FAM193A: variants seen among roughly 807,000 people sequenced by gnomAD.
FAM193A encodes family with sequence similarity 193 member A.
In FAM193A, 22 loss-of-function variants were observed where a neutral mutation model predicts 126.5. That is an observed-to-expected ratio of 0.17 (90% CI 0.12 to 0.25). The LOEUF (loss-of-function observed/expected upper bound fraction) is 0.25. Ranked by LOEUF, FAM193A falls within the 10% of genes least tolerant of loss-of-function variation. The pLI, the probability that FAM193A is intolerant of heterozygous loss-of-function variation, is 1.00. For missense variants in FAM193A, 1,675 were observed against 1,672.8 expected, an observed-to-expected ratio of 1.00 and a Z score of -0.02; for synonymous variants, 761 against 646.8, an observed-to-expected ratio of 1.18 and a Z score of -2.68.
chr4:2,732,045 G>A lies in FAM193A; in HGVS notation c.*177G>A. 1.6e-6 allele frequency: 1 copy of A among 630,338 alleles called. No individual in the cohort carries two copies. The highest frequency in any genetic ancestry group is 2.9e-6 in the Non-Finnish European group (1 of 350,034). The allele number at this position is 630,338 out of a possible 1,614,324, so 39.0% of individuals were successfully genotyped here. On this transcript the variant is annotated 3_prime_UTR_variant, in exon 21 of 21. Transcript: ENST00000637812. ...CTCGGCCCACGCCGTTAGCTCGTGTGCGTGTAGTCTGTGCGTGAGACTCCT... is the reference window on the plus strand; with the variant it reads ...CTCGGCCCACGCCGTTAGCTCGTGTACGTGTAGTCTGTGCGTGAGACTCCT...
intron 2 of FAM193A, among the ~76,000 whole-genome samples, chr4:2,612,240 G>T (rs1004392333): frequency 6.6e-6 from 1 of 151,766 alleles, no homozygotes; most frequent in African/African-American, 2.4e-5. Context: ...CGTGGCTCAC[G>T]CCTGTAATCC....
At chr4:2,583,559 C>T (rs943959278) in intron 1 of FAM193A, among the ~76,000 whole-genome samples, 1 of 152,142 alleles carries the variant, frequency 6.6e-6, no homozygotes, top group African/African-American at 2.4e-5. Context: ...TTTGCTTCTT[C>T]GGGCTCTTTC....
At chr4:2,543,749 T>C (rs1737374321) in intron 1 of FAM193A, among the ~76,000 whole-genome samples, 2 of 151,116 alleles carry the variant, frequency 1.3e-5, no homozygotes, top group Admixed American at 6.7e-5. Context: ...TCTCAGCTAC[T>C]CAGGAGGCTG....
At chr4:2,586,244 C>CA (rs71178483) in intron 1 of FAM193A, among the ~76,000 whole-genome samples, 24,770 of 143,462 alleles carry the variant, frequency 0.17, 2,512 homozygotes, top group East Asian at 0.31. Context: ...AACTCCGTCT[C>CA]AAAAAAAAAA....
intron 1 of FAM193A, among the ~76,000 whole-genome samples, chr4:2,565,094 C>T (rs1251577462): frequency 6.6e-6 from 1 of 152,012 alleles, no homozygotes; most frequent in Non-Finnish European, 1.5e-5. Context: ...AGCCACTGCA[C>T]CTGGCTACGT....
At chr4:2,535,601 C>G (rs1264194307), upstream of FAM193A, among the ~76,000 whole-genome samples, 1 of 152,238 alleles carries the variant, frequency 6.6e-6, no homozygotes, top group African/African-American at 2.4e-5. Context: ...CAGGGCAGAG[C>G]TCTGCCTGGG....
chr4:2,665,485 C>G lies in FAM193A; in HGVS notation c.2079+2197C>G, dbSNP rs560673784. Among the ~76,000 whole-genome samples, 427 of 152,248 alleles carry G rather than the reference C, an allele frequency of 2.8e-3. 6 individuals carry two copies. Among genetic ancestry groups the G allele is most frequent in the Non-Finnish European group, 4.7e-3 (319 of 68,006 alleles). ...ATGCTTTTAATCTTCCCTTCCCTTT[C>G]CCTTCTCTTTTCTTTTTCTTTCCTT... On this transcript the variant is annotated intron_variant, in intron 12 of 20. Coordinates refer to ENST00000637812, the MANE Select transcript of FAM193A (RefSeq NM_001366318.2).
At chr4:2,550,991 G>T (rs1479874991) in intron 1 of FAM193A, among the ~76,000 whole-genome samples, 1 of 151,930 alleles carries the variant, frequency 6.6e-6, no homozygotes, top group Non-Finnish European at 1.5e-5. Context: ...TAGTAGAGAT[G>T]GGGTTTCACC....
At chr4:2,664,555 T>TTCC in intron 12 of FAM193A, among the ~76,000 whole-genome samples, 1 of 134,426 alleles carries the variant, frequency 7.4e-6, no homozygotes, top group African/African-American at 2.9e-5. Context: ...CTCTATTTTC[T>TTCC]TTCTTTTTTT....
intron 19 of FAM193A, among the ~76,000 whole-genome samples, chr4:2,710,788 A>AACC (rs1718862366): frequency 6.6e-6 from 1 of 151,650 alleles, no homozygotes; most frequent in South Asian, 2.1e-4. Context: ...TACAGGCATG[A>AACC]ACCACCGTGC....
chr4:2,553,377 T>C lies in FAM193A; in HGVS notation c.255+16207T>C, dbSNP rs1560438276. The stretch of plus-strand genomic sequence containing the variant: ...TTAAGTAAAGTTCTAATTTCCCTTC[T>C]TTTTGTTTTTTTTTTTTTTTTTGAG... On this transcript the variant is annotated intron_variant, in intron 1 of 20. Coordinates refer to ENST00000637812, the MANE Select transcript of FAM193A (RefSeq NM_001366318.2). 1.0e-4 allele frequency among the ~76,000 whole-genome samples: 11 copies of C among 106,090 alleles called. 2 individuals carry two copies. Among genetic ancestry groups the C allele is most frequent in the Middle Eastern group, 0.011 (2 of 190 alleles). 69.6% of individuals were successfully genotyped at this position (106,090 alleles called of 152,430 possible).
At chr4:2,647,062 A>G (rs1223065661) in intron 7 of FAM193A, among the ~76,000 whole-genome samples, 1 of 152,200 alleles carries the variant, frequency 6.6e-6, no homozygotes, top group Non-Finnish European at 1.5e-5. Flanking sequence ...GTGTGGTGGC[A>G]GCAGTTGGTC....
At chr4:2,602,442 C>A (rs1039620665) in intron 2 of FAM193A, among the ~76,000 whole-genome samples, 1 of 149,826 alleles carries the variant, frequency 6.7e-6, no homozygotes, top group South Asian at 2.1e-4. Context: ...GAAACCTCCA[C>A]CTCATAGGTT....
intron 14 of FAM193A, among the ~76,000 whole-genome samples, chr4:2,690,156 C>G (rs1019197635): frequency 6.6e-6 from 1 of 152,244 alleles, no homozygotes; most frequent in Non-Finnish European, 1.5e-5. Flanking sequence ...CATCTCTCCC[C>G]TTTACTAGCT....
intron 12 of FAM193A, among the ~76,000 whole-genome samples, chr4:2,666,406 T>A (rs188464287): frequency 7.9e-5 from 12 of 152,310 alleles, no homozygotes; most frequent in Non-Finnish European, 1.5e-5. Context: ...CCTGAGTTGG[T>A]TTGCTAATAT....
chr4:2,569,991 G>A (rs1739195022), intron 1 of FAM193A, among the ~76,000 whole-genome samples: 1 of 152,068 alleles, frequency 6.6e-6, no homozygotes, highest in South Asian at 2.1e-4. Context: ...TGCTCTTGAA[G>A]TTTGAACCAC....
At chr4:2,578,652 A>G (rs1387094623) in intron 1 of FAM193A, among the ~76,000 whole-genome samples, 1 of 152,152 alleles carries the variant, frequency 6.6e-6, no homozygotes, top group East Asian at 1.9e-4. Flanking sequence ...CAACTCTCCA[A>G]AACCTTAACT....
Position 2,700,043 on chromosome 4 carries a change from G to A in FAM193A, c.3871G>A (p.Gly1291Arg). The A allele has an allele frequency of 6.2e-7, 1 of 1,614,018 alleles. No individual in the cohort carries two copies. Among genetic ancestry groups the A allele is most frequent in the Non-Finnish European group, 8.5e-7 (1 of 1,180,008 alleles). The change falls in exon 19 of 21, where the codon GGG (glycine) becomes AGG (arginine). Residue 1291 changes from glycine (G) to arginine (R), a missense_variant. Gly to Arg is a moderately radical substitution (Grantham distance 125). This residue lies in a region of FAM193A where 415 missense variants were observed against 396.7 expected (regional missense o/e 1.05). Coordinates refer to ENST00000637812, the MANE Select transcript of FAM193A (RefSeq NM_001366318.2). ...MNHSEPRPGL[G>R]ADGDAADPVD... ...CCACTCAGAGCCCAGGCCAGGGCTA[G>A]GGGCTGATGGGGATGCTGCAGACCC...
At chr4:2,683,854 T>C (rs1715435230) in intron 13 of FAM193A, among the ~76,000 whole-genome samples, 1 of 152,236 alleles carries the variant, frequency 6.6e-6, no homozygotes, top group South Asian at 2.1e-4. Context: ...ATTGTTTCTG[T>C]TTTTGTTTTT....
Sources: gnomAD v4.1 joint callset for allele counts (sites outside exome capture counted in the v4.1 genomes callset) on GRCh38, gnomAD v4.1.1 for gene constraint, gnomAD v4.1.1 regional missense constraint, MANE v1.5 for transcripts, NCBI Gene and HGNC (gene_info 2026-07-23, HGNC 2026-07-21) for gene names.